The following TDP2 variants were observed in gnomAD, a reference collection of about 807,000 sequenced individuals.
TDP2 encodes the protein tyrosyl-DNA phosphodiesterase 2, also known as 5'-Tyr-DNA phosphodiesterase.
A neutral mutation model predicts 42.8 loss-of-function variants in TDP2; 38 were observed. The observed-to-expected ratio is 0.89, with a 90% CI of 0.68 to 1.16. The LOEUF (loss-of-function observed/expected upper bound fraction) is 1.16, where lower values mean the gene tolerates loss of function less well. Ranked by LOEUF, TDP2 falls within the 50% of genes most tolerant of loss-of-function variation. The pLI is 0.00. For synonymous variants in TDP2, 173 were observed against 150.6 expected (o/e 1.15, Z -1.09); for missense variants, 439 against 439.3 (o/e 1.00, Z 0.01).
chr6:24,659,851 G>A (rs568801026), intron 2 of TDP2, among the ~76,000 whole-genome samples: 2 of 152,202 alleles, frequency 1.3e-5, no homozygotes, highest in Non-Finnish European at 1.5e-5. Context: ...TTCCATTCAA[G>A]GCTTTTGGAA....
chr6:24,655,646 C>CA (rs1778050120), intron 4 of TDP2, among the ~76,000 whole-genome samples: 1 of 152,148 alleles, frequency 6.6e-6, no homozygotes, highest in South Asian at 2.1e-4. Context: ...GAGGGGCATG[C>CA]ATGTTAGCCC....
At position 24,666,866 on chromosome 6, in the gene TDP2, C is replaced by A. The variant is rs199980848; in HGVS notation, c.-4G>T. On this transcript the variant is annotated 5_prime_UTR_variant, in exon 1 of 7. Coordinates refer to ENST00000378198, the MANE Select transcript of TDP2 (RefSeq NM_016614.3). ...CCAGGCAACTCCCCAACTCCATCTT[C>A]CTGCCGCCTCTGCACCGCCCCTTTA... 1.4e-4 allele frequency: 232 copies of A among 1,613,382 alleles called. No individual in the cohort carries two copies. The highest frequency in any genetic ancestry group is 1.9e-4 in the Non-Finnish European group (221 of 1,180,028).
At chr6:24,655,360 A>G (rs1399208356) in intron 4 of TDP2, among the ~76,000 whole-genome samples, 1 of 152,188 alleles carries the variant, frequency 6.6e-6, no homozygotes. Flanking sequence ...AGAGAAGGAA[A>G]CCACTTGAGT....
chr6:24,663,549 C>T lies in TDP2; in HGVS notation c.251+2977G>A, dbSNP rs1350631639. Among the ~76,000 whole-genome samples, 3 of 152,130 alleles carry T rather than the reference C, an allele frequency of 2.0e-5. 1 individual carries two copies. Among genetic ancestry groups the T allele is most frequent in the South Asian group, 4.2e-4 (2 of 4,818 alleles). On this transcript the variant is annotated intron_variant, in intron 2 of 6. Coordinates refer to ENST00000378198, the MANE Select transcript of TDP2 (RefSeq NM_016614.3). ...AATCCGTAATGTTGGTAGTGGGGTC[C>T]AGTGGGAGGTGTTTGGGTCATGGAG...
At position 24,651,040 on chromosome 6, in the gene TDP2, G is replaced by A. The variant is rs1036211332; in HGVS notation, c.837C>T (p.Asn279=). 3.7e-6 allele frequency: 6 copies of A among 1,611,936 alleles called. No homozygotes were observed. The South Asian group carries it at 6.6e-5, about 18-fold the overall frequency. ...CCAAAAACTCCCAGACATCCACAAT[G>A]TTGTTGGGTAAACCACCACATCTGG... ...EVTRCGGLPN[N]IVDVWEFLGK... The change falls in exon 7 of 7, where the codon AAC becomes AAT. Residue 279 remains asparagine (N), a synonymous_variant. Transcript: ENST00000378198.
chr6:24,666,511 C>T lies in TDP2; in HGVS notation c.251+15G>A, dbSNP rs2073013. Reference sequence around the variant, plus strand: ...GCCTCCGTGCGGACTGGCTCCCGCTCCCCTCATCACTTACTAGGTCTTGGG... The same window carrying T: ...GCCTCCGTGCGGACTGGCTCCCGCTTCCCTCATCACTTACTAGGTCTTGGG... On this transcript the variant is annotated intron_variant, in intron 2 of 6. Transcript: ENST00000378198. 74,918 of 1,612,822 alleles carry T rather than the reference C, an allele frequency of 0.046. 9,540 individuals carry two copies. Among genetic ancestry groups the T allele is most frequent in the East Asian group, 0.44 (19,826 of 44,808 alleles).
intron 2 of TDP2, among the ~76,000 whole-genome samples, chr6:24,661,721 T>C (rs939289304): frequency 4.0e-5 from 6 of 151,166 alleles, no homozygotes; most frequent in African/African-American, 1.5e-4. Flanking sequence ...TTCAAGAGCA[T>C]AAAAAAAAAG....
At chr6:24,665,707 G>A (rs974871964) in intron 2 of TDP2, among the ~76,000 whole-genome samples, 2 of 152,118 alleles carry the variant, frequency 1.3e-5, no homozygotes, top group South Asian at 4.1e-4. Flanking sequence ...ATAATGAACA[G>A]CAATTATAAT....
intron 4 of TDP2, among the ~76,000 whole-genome samples, chr6:24,655,014 GGCAA>G (rs1338041601): frequency 6.6e-6 from 1 of 152,070 alleles, no homozygotes; most frequent in Non-Finnish European, 1.5e-5. Flanking sequence ...CTCTAGCTTA[GGCAA>G]CAATAGTGAA....
At chr6:24,658,847 T>C (rs1778098091) in intron 2 of TDP2, 113 bp from the exon 3 acceptor site, 1 of 1,048,378 alleles carries the variant, frequency 9.5e-7, no homozygotes, top group Non-Finnish European at 1.4e-6. Flanking sequence ...GCCCTAAAAG[T>C]GACACTGTCC....
At chr6:24,658,513 G>C in intron 3 of TDP2, 48 bp downstream of exon 3, 1 of 1,459,528 alleles carries the variant, frequency 6.9e-7, no homozygotes. Context: ...CTGTTACTTT[G>C]TATATACATA....
At position 24,666,590 on chromosome 6, in the gene TDP2, C is replaced by A; in HGVS notation, c.187G>T (p.Glu63Ter). ...EMERALNSYF[E>*]PPVEESALER... ...AAGGCGCTCTCCTCCACCGGAGGCT[C>A]GAAGTAGGAGTTCAGAGCCCTCTGA... Residue 63 changes from glutamate to a stop codon, truncating the protein, a stop_gained, in exon 2 of 7, where the codon GAG becomes TAG. Coordinates refer to ENST00000378198, the MANE Select transcript of TDP2 (RefSeq NM_016614.3). LOFTEE classifies it high-confidence loss of function. The A allele has an allele frequency of 2.5e-6, 4 of 1,614,196 alleles. No homozygotes were observed. Among genetic ancestry groups the A allele is most frequent in the Non-Finnish European group, 3.4e-6 (4 of 1,180,026 alleles).
chr6:24,659,567 A>G (rs1419626245), intron 2 of TDP2, among the ~76,000 whole-genome samples: 1 of 152,224 alleles, frequency 6.6e-6, no homozygotes, highest in Non-Finnish European at 1.5e-5. Flanking sequence ...ATATCCTTCA[A>G]TGACATGTGT....
chr6:24,665,217 T>C (rs1778211524), intron 2 of TDP2, among the ~76,000 whole-genome samples: 2 of 152,218 alleles, frequency 1.3e-5, no homozygotes, highest in African/African-American at 2.4e-5. Context: ...AAAAAAGATA[T>C]GTATGAATCC....
At chr6:24,657,684 G>C (rs1554188265) in intron 4 of TDP2, 128 bp downstream of exon 4, 1 of 441,070 alleles carries the variant, frequency 2.3e-6, no homozygotes, top group Non-Finnish European at 4.1e-6. Context: ...TCTGTGTCTT[G>C]CTTATTTTTC....
At chr6:24,663,757 G>T (rs1778190552) in intron 2 of TDP2, among the ~76,000 whole-genome samples, 1 of 152,106 alleles carries the variant, frequency 6.6e-6, no homozygotes, top group African/African-American at 2.4e-5. Context: ...GCAGAGGCTG[G>T]GGCCATGCTT....
rs186352862 is a variant in TDP2, at chr6:24,662,333, T to A, written c.252-3599A>T. Reference sequence around the variant, plus strand: ...CTCCTGCTCGTCCCTGGGAATGGAATGTCTCGGTATAAAACCCGATCGTAC... The same window carrying A: ...CTCCTGCTCGTCCCTGGGAATGGAAAGTCTCGGTATAAAACCCGATCGTAC... On this transcript the variant is annotated intron_variant, in intron 2 of 6. Coordinates refer to ENST00000378198, the MANE Select transcript of TDP2 (RefSeq NM_016614.3). Among the ~76,000 whole-genome samples the A allele has an allele frequency of 4.6e-5, 7 of 152,278 alleles. No individual in the cohort carries two copies. The East Asian group carries it at 9.6e-4, about 21-fold the overall frequency.
At position 24,650,155 on chromosome 6, in the gene TDP2, T is replaced by A. The variant is rs1777947620; in HGVS notation, c.*633A>T. 1 of 152,270 alleles carries A rather than the reference T, an allele frequency of 6.6e-6. No homozygotes were observed. Among genetic ancestry groups the A allele is most frequent in the Non-Finnish European group, 1.5e-5 (1 of 68,058 alleles). The allele number at this position is 152,270 out of a possible 1,614,324, so 9.4% of individuals were successfully genotyped here. ...TTGTTAGAAAAATGTCCCATGGTGC[T>A]ATCAAACCGATTTTAACCATCATCA... On this transcript the variant is annotated 3_prime_UTR_variant, in exon 7 of 7. Coordinates refer to ENST00000378198, the MANE Select transcript of TDP2 (RefSeq NM_016614.3).
intron 2 of TDP2, among the ~76,000 whole-genome samples, chr6:24,665,608 G>A (rs1582426898): frequency 2.0e-5 from 3 of 152,340 alleles, no homozygotes; most frequent in African/African-American, 7.2e-5. Context: ...AGCTTATTAT[G>A]TGTCAAATGT....
Sources: allele counts gnomAD v4.1 joint callset (sites outside exome capture counted in the v4.1 genomes callset), GRCh38; gene constraint gnomAD v4.1.1; transcripts MANE v1.5; gene names NCBI Gene and HGNC (gene_info 2026-07-23, HGNC 2026-07-21).